LIN28B: variants seen among roughly 807,000 people sequenced by gnomAD.
The protein encoded by LIN28B is lin-28 RNA binding posttranscriptional regulator B.
In LIN28B, 5 loss-of-function variants were observed where a neutral mutation model predicts 21.9. That is an observed-to-expected ratio of 0.23 (90% confidence interval 0.12 to 0.48). LIN28B has a LOEUF of 0.48. LIN28B is among the 20% of genes least tolerant of loss of function. LIN28B has a pLI of 0.98. For missense variants in LIN28B, 245 were observed against 310.5 expected (o/e 0.79, Z 1.58); for synonymous variants, 109 against 111.3 (o/e 0.98, Z 0.13).
At chr6:104,968,466 T>C (rs1266364896) in intron 2 of LIN28B, among the ~76,000 whole-genome samples, 1 of 152,218 alleles carries the variant, frequency 6.6e-6, no homozygotes, top group Non-Finnish European at 1.5e-5. Flanking sequence ...ACTTAATTTC[T>C]ACCAGCTGCT....
At position 105,039,882 on chromosome 6, in the gene LIN28B, C is replaced by A. The variant is rs373676506; in HGVS notation, c.383+13400C>A. On this transcript the variant is annotated intron_variant, in intron 3 of 3. Transcript: ENST00000345080. ...TTTTGTCTCTTTTCCAAGAGTTGTA[C>A]CTATTCTTTTCTTAGGAATACACTC... 2.0e-5 allele frequency among the ~76,000 whole-genome samples: 3 copies of A among 152,060 alleles called. No homozygotes were observed. The East Asian group carries it at 5.8e-4, about 29-fold the overall frequency.
chr6:105,048,881 A>T (rs1024276422), intron 3 of LIN28B, among the ~76,000 whole-genome samples: 9 of 151,906 alleles, frequency 5.9e-5, no homozygotes, highest in Non-Finnish European at 1.3e-4. Context: ...ATCATTTTTT[A>T]TTGCGTCTAT....
At chr6:104,981,018 C>A (rs1770211422) in intron 2 of LIN28B, among the ~76,000 whole-genome samples, 1 of 152,036 alleles carries the variant, frequency 6.6e-6, no homozygotes, top group South Asian at 2.1e-4. Flanking sequence ...AGGTTGGACA[C>A]CACAACAGGT....
intron 3 of LIN28B, among the ~76,000 whole-genome samples, chr6:105,041,686 A>G (rs1771640583): frequency 6.6e-6 from 1 of 152,194 alleles, no homozygotes; most frequent in Non-Finnish European, 1.5e-5. Context: ...TGAACTCATC[A>G]TGGCTGAAAG....
chr6:104,997,235 C>T (rs1425309429), intron 2 of LIN28B, among the ~76,000 whole-genome samples: 3 of 147,858 alleles, frequency 2.0e-5, no homozygotes, highest in Admixed American at 6.7e-5. Context: ...GAGCCAAGAT[C>T]GCGCCACTGC....
chr6:105,045,285 T>G (rs1366284555), intron 3 of LIN28B, among the ~76,000 whole-genome samples: 4 of 119,638 alleles, frequency 3.3e-5, no homozygotes, highest in Non-Finnish European at 6.4e-5. Flanking sequence ...TGTCATTCTG[T>G]TTTTTTTTTT....
At chr6:104,961,922 G>A (rs1382442053) in intron 2 of LIN28B, among the ~76,000 whole-genome samples, 1 of 152,022 alleles carries the variant, frequency 6.6e-6, no homozygotes, top group Non-Finnish European at 1.5e-5. Flanking sequence ...GGAATAGAAT[G>A]GTAATTAAAT....
At chr6:104,980,165 G>A (rs563482469) in intron 2 of LIN28B, among the ~76,000 whole-genome samples, 41 of 152,138 alleles carry the variant, frequency 2.7e-4, no homozygotes, top group Middle Eastern at 3.4e-3. Context: ...TTAAAATTCC[G>A]TAATGTAGTT....
upstream of LIN28B, among the ~76,000 whole-genome samples, chr6:104,955,677 C>T (rs1778275953): frequency 7.0e-6 from 1 of 142,872 alleles, no homozygotes; most frequent in African/African-American, 2.7e-5. Context: ...AGGGGGATTG[C>T]TGGCATGGTG....
At chr6:104,979,233 A>G (rs1770168373) in intron 2 of LIN28B, among the ~76,000 whole-genome samples, 1 of 151,222 alleles carries the variant, frequency 6.6e-6, no homozygotes. Flanking sequence ...TTTTTTATAC[A>G]GAATCTCACT....
At chr6:104,956,458 G>A (rs913500185), upstream of LIN28B, among the ~76,000 whole-genome samples, 4 of 152,164 alleles carry the variant, frequency 2.6e-5, no homozygotes, top group East Asian at 7.7e-4. Flanking sequence ...TTGACTATAT[G>A]AAGGTGAAAA....
At chr6:105,001,360 C>G (rs1770716613) in intron 2 of LIN28B, among the ~76,000 whole-genome samples, 1 of 152,124 alleles carries the variant, frequency 6.6e-6, no homozygotes, top group African/African-American at 2.4e-5. Flanking sequence ...ATGTTTATGC[C>G]TGACTTATTT....
intron 2 of LIN28B, among the ~76,000 whole-genome samples, chr6:104,945,646 C>G (rs1459504748): frequency 1.3e-5 from 2 of 152,032 alleles, no homozygotes; most frequent in Non-Finnish European, 2.9e-5. Context: ...CTATCGCTTT[C>G]TTTTACTTTT....
At chr6:105,049,674 A>G (rs1771852367) in intron 3 of LIN28B, among the ~76,000 whole-genome samples, 1 of 151,928 alleles carries the variant, frequency 6.6e-6, no homozygotes. Context: ...TGCTTTATGA[A>G]TCTGGGTGCT....
At chr6:105,020,244 G>A (rs1297227391) in intron 2 of LIN28B, among the ~76,000 whole-genome samples, 1 of 150,196 alleles carries the variant, frequency 6.7e-6, no homozygotes, top group Non-Finnish European at 1.5e-5. Context: ...CCAAAATGTT[G>A]GGATTACAGG....
At chr6:104,943,209 C>CT (rs199926774) in intron 2 of LIN28B, among the ~76,000 whole-genome samples, 206 of 150,880 alleles carry the variant, frequency 1.4e-3, no homozygotes, top group African/African-American at 4.4e-3. Context: ...TTAAGTTTGG[C>CT]TTTTTTTTTC....
chr6:105,014,419 A>C (rs1449076744), intron 2 of LIN28B, among the ~76,000 whole-genome samples: 2 of 152,214 alleles, frequency 1.3e-5, no homozygotes, highest in East Asian at 3.8e-4. Flanking sequence ...TCCCGGGTTC[A>C]AGCAATTCTT....
At chr6:104,955,925 A>G (rs1274997302), upstream of LIN28B, among the ~76,000 whole-genome samples, 1 of 152,022 alleles carries the variant, frequency 6.6e-6, no homozygotes, top group Non-Finnish European at 1.5e-5. Flanking sequence ...TCTTGTAATC[A>G]ATCGTTTGAA....
rs141173423 is a variant in LIN28B at position 105,079,878 on chromosome 6, G to C, written c.*1095G>C. The C allele has an allele frequency of 6.6e-6, 1 of 152,166 alleles. No individual in the cohort carries two copies. The highest frequency in any genetic ancestry group is 1.5e-5 in the Non-Finnish European group (1 of 68,024). 9.4% of individuals were successfully genotyped at this position (152,166 alleles called of 1,614,324 possible). On this transcript the variant is annotated 3_prime_UTR_variant, in exon 4 of 4. Transcript: ENST00000345080. The stretch of plus-strand genomic sequence containing the variant: ...AAGAAATGAATTAAATACTGGGGTT[G>C]AGAATTAAAATTAAGTGGATGTTCA...
Sources: allele counts gnomAD v4.1 joint callset (sites outside exome capture counted in the v4.1 genomes callset), GRCh38; gene constraint gnomAD v4.1.1; transcripts MANE v1.5; gene names NCBI Gene and HGNC (gene_info 2026-07-23, HGNC 2026-07-21).